Variants in SHISA7 observed in about 807,000 individuals in gnomAD.
SHISA7 encodes the protein shisa family member 7.
SHISA7 carries 6 observed loss-of-function variants against 23.9 expected under a neutral mutation model. The ratio of observed to expected loss-of-function variants is 0.25; its 90% CI spans 0.14 to 0.50. The LOEUF is 0.50. Among genes scored for constraint, SHISA7 ranks in the 20% least tolerant of loss-of-function variants. The pLI is 0.98. For missense variants in SHISA7, 671 were observed against 801.1 expected (o/e 0.84, Z 1.96); for synonymous variants, 386 against 398.3 (o/e 0.97, Z 0.37).
At chr19:55,435,398 T>TATATGTGGTGTGTGTGTGTGG (rs1555753673) in intron 3 of SHISA7, among the ~76,000 whole-genome samples, 3,984 of 79,336 alleles carry the variant, frequency 0.05, 219 homozygotes, top group African/African-American at 0.16. Context: ...TGTGTGTGTG[T>TATATGTGGTGTGTGTGTGTGG]GGGTGTGTGT....
intron 2 of SHISA7, chr19:55,438,670 C>G: frequency 7.7e-7 from 1 of 1,295,328 alleles, no homozygotes; most frequent in Non-Finnish European, 1.0e-6. Flanking sequence ...CCATCACTGA[C>G]TCCCAGCTGG....
At chr19:55,435,589 CAAAAAA>C (rs1160895563) in intron 3 of SHISA7, among the ~76,000 whole-genome samples, 4 of 66,442 alleles carry the variant, frequency 6.0e-5, no homozygotes, top group Admixed American at 1.9e-4. Context: ...TCCATCTCTA[CAAAAAA>C]AAAAAAAAAA....
intron 3 of SHISA7, among the ~76,000 whole-genome samples, chr19:55,434,477 GGT>G (rs758772588): frequency 2.1e-3 from 250 of 119,002 alleles, no homozygotes; most frequent in Non-Finnish European, 3.0e-3. Context: ...GTGTGTGTAT[GGT>G]GTGTGTGTGG....
rs1599870173 is a variant in SHISA7 at position 55,431,862 on chromosome 19, C to T, written c.*1294G>A. 1 of 152,284 alleles carries T rather than the reference C, an allele frequency of 6.6e-6. No homozygotes were observed. The highest frequency in any genetic ancestry group is 2.4e-5 in the African/African-American group (1 of 41,536). The allele number at this position is 152,284 out of a possible 1,614,324, so 9.4% of individuals were successfully genotyped here. A position where few individuals can be genotyped will look rare whatever the true frequency, so the allele number is the denominator to read the frequency against. ...GCAGAAGGCCATCTGGAGGTCCTGT[C>T]TCCCAGGAGTCATGGCACAGATGTG... On this transcript the variant is annotated 3_prime_UTR_variant, in exon 4 of 4. Transcript: ENST00000376325.
In SHISA7 at chr19:55,433,434, G is replaced by C; in HGVS notation, c.1339C>G (p.Leu447Val). The change falls in exon 4 of 4, where the codon CTG becomes GTG. Residue 447 changes from leucine to valine, a missense_variant. Coordinates refer to ENST00000376325, the MANE Select transcript of SHISA7 (RefSeq NM_001145176.2). This position sits in a 1 kb window ranked among gnomAD's most constrained non-coding sequence, Gnocchi z 8.4. ...LPPDPTARASLAASHSNLLLG... is the reference protein window; with the variant it reads ...LPPDPTARASVAASHSNLLLG... The stretch of plus-strand genomic sequence containing the variant: ...AGCAGGTTGGAGTGCGAGGCGGCCA[G>C]GCTGGCCCGGGCGGTGGGGTCGGGG... 2.3e-6 allele frequency: 3 copies of C among 1,331,172 alleles called. No individual in the cohort carries two copies. Among genetic ancestry groups the C allele is most frequent in the Non-Finnish European group, 2.9e-6 (3 of 1,049,026 alleles). 82.5% of individuals were successfully genotyped at this position (1,331,172 alleles called of 1,614,324 possible). A position where few individuals can be genotyped will look rare whatever the true frequency, so the allele number is the denominator to read the frequency against.
In SHISA7 at chr19:55,440,727, C is replaced by T. The variant is rs1203234808; in HGVS notation, c.710G>A (p.Gly237Glu). 8.0e-7 allele frequency: 1 copy of T among 1,247,222 alleles called. No individual in the cohort carries two copies. The highest frequency in any genetic ancestry group is 1.6e-5 in the African/African-American group (1 of 64,492). The allele number at this position is 1,247,222 out of a possible 1,614,324, so 77.3% of individuals were successfully genotyped here. A position where few individuals can be genotyped will look rare whatever the true frequency, so the allele number is the denominator to read the frequency against. The change falls in exon 2 of 4, where the codon GGG (glycine) becomes GAG (glutamate). Residue 237 changes from glycine (G) to glutamate (E), a missense_variant. Transcript: ENST00000376325. ...VDILRHQAGP[G>E]TRPDRARSSS... ...GCTTCGGGCCCGGTCCGGGCGGGTC[C>T]CAGGCCCCGCCTGATGTCTCAGAAT... is the stretch of plus-strand genomic sequence containing the variant.
chr19:55,433,866 C>T lies in SHISA7; in HGVS notation c.977-70G>A, dbSNP rs1057461833. On this transcript the variant is annotated intron_variant, in intron 3 of 3. Transcript: ENST00000376325. The surrounding 1 kb of genome is among the most constrained non-coding windows in gnomAD (Gnocchi z 8.4). ...ATCTAGAGCCCTCCCCCTCCCACCT[C>T]GTCACATCCCGCTCCTATGCTCCTT... 75 of 1,336,862 alleles carry T rather than the reference C, an allele frequency of 5.6e-5. No homozygotes were observed. Among genetic ancestry groups the T allele is most frequent in the Non-Finnish European group, 1.8e-5 (19 of 1,046,338 alleles). 82.8% of individuals were successfully genotyped at this position (1,336,862 alleles called of 1,614,324 possible). A position where few individuals can be genotyped will look rare whatever the true frequency, so the allele number is the denominator to read the frequency against.
Position 55,433,606 on chromosome 19 carries a change from C to G in SHISA7, c.1167G>C (p.Leu389=). 1 of 1,496,930 alleles carries G rather than the reference C, an allele frequency of 6.7e-7. No homozygotes were observed. The highest frequency in any genetic ancestry group is 8.9e-7 in the Non-Finnish European group (1 of 1,129,580). 92.7% of individuals were successfully genotyped at this position (1,496,930 alleles called of 1,614,324 possible). ...AGCGCGAACGGCCACCATCGCCCAG[C>G]AGGTGCTCCTGGGACATGACCCGCC... The part of the protein sequence containing the change: ...NPRRVMSQEH[L]LGDGGRSRYE... The change falls in exon 4 of 4, where the codon CTG becomes CTC. Residue 389 remains leucine (L), a synonymous_variant. Transcript: ENST00000376325. This position sits in a 1 kb window ranked among gnomAD's most constrained non-coding sequence, Gnocchi z 8.4.
intron 3 of SHISA7, among the ~76,000 whole-genome samples, chr19:55,434,351 GTA>G (rs953925902): frequency 6.5e-5 from 9 of 138,492 alleles, no homozygotes; most frequent in Non-Finnish European, 7.9e-5. Context: ...CGTGTGTGGT[GTA>G]TATGTGGTGT....
Position 55,433,680 on chromosome 19 carries a change from C to A in SHISA7, c.1093G>T (p.Ala365Ser). 6.7e-7 allele frequency: 1 copy of A among 1,483,850 alleles called. No homozygotes were observed. The highest frequency in any genetic ancestry group is 8.9e-7 in the Non-Finnish European group (1 of 1,124,682). The allele number at this position is 1,483,850 out of a possible 1,614,324, so 91.9% of individuals were successfully genotyped here. Reference sequence around the variant, plus strand: ...CCCAGCTCCTCTGGGCCGCCCCAGGCCTCCATGCGATAGCCGCCCCCCGTG... The same window carrying A: ...CCCAGCTCCTCTGGGCCGCCCCAGGACTCCATGCGATAGCCGCCCCCCGTG... The part of the protein sequence containing the change: ...PGTGGGYRME[A>S]WGGPEELGLA... Residue 365 changes from alanine (A) to serine (S), a missense_variant, in exon 4 of 4, where the codon GCC (alanine) becomes TCC (serine). By Grantham distance (99) the Ala-to-Ser change is moderately conservative. Coordinates refer to ENST00000376325, the MANE Select transcript of SHISA7 (RefSeq NM_001145176.2). This position sits in a 1 kb window ranked among gnomAD's most constrained non-coding sequence, Gnocchi z 8.4.
At chr19:55,436,476 G>A (rs955610498) in intron 3 of SHISA7, among the ~76,000 whole-genome samples, 24 of 151,810 alleles carry the variant, frequency 1.6e-4, no homozygotes, top group African/African-American at 5.1e-4. Flanking sequence ...GGTGGCATGC[G>A]CCTGTAATCC....
rs754480986 is a variant in SHISA7, at chr19:55,429,513, G to A, written c.*3643C>T. On this transcript the variant is annotated 3_prime_UTR_variant, in exon 4 of 4. Transcript: ENST00000376325. ...GTAACCCCCATTTCCTCAGTGTGGT[G>A]GGAACCAAGGGCCAGTTGTCTGCCC... is the stretch of plus-strand genomic sequence containing the variant. The A allele has an allele frequency of 6.6e-6, 1 of 152,220 alleles. No homozygotes were observed. The highest frequency in any genetic ancestry group is 1.5e-5 in the Non-Finnish European group (1 of 68,108). The allele number at this position is 152,220 out of a possible 1,614,324, so 9.4% of individuals were successfully genotyped here. A position where few individuals can be genotyped will look rare whatever the true frequency, so the allele number is the denominator to read the frequency against.
chr19:55,433,717 C>G lies in SHISA7; in HGVS notation c.1056G>C (p.Leu352=). ...AGCCGCCCCCCGTGCCCGGCCGCCGCAGCGCGTGCAGGGGCAGCGTGCCGC... is the reference window on the plus strand; with the variant it reads ...AGCCGCCCCCCGTGCCCGGCCGCCGGAGCGCGTGCAGGGGCAGCGTGCCGC... ...LPRGTLPLHA[L]RRPGTGGGYR... Residue 352 remains leucine (L), a synonymous_variant, in exon 4 of 4, where the codon CTG becomes CTC. Coordinates refer to ENST00000376325, the MANE Select transcript of SHISA7 (RefSeq NM_001145176.2). The surrounding 1 kb of genome is among the most constrained non-coding windows in gnomAD (Gnocchi z 8.4). The G allele has an allele frequency of 6.8e-7, 1 of 1,475,872 alleles. No individual in the cohort carries two copies. Among genetic ancestry groups the G allele is most frequent in the Non-Finnish European group, 8.9e-7 (1 of 1,121,412 alleles). 91.4% of individuals were successfully genotyped at this position (1,475,872 alleles called of 1,614,324 possible).
rs929630597 is a variant in SHISA7 at position 55,442,809 on chromosome 19, C to T, written c.55G>A (p.Ala19Thr). 3.7e-6 allele frequency: 5 copies of T among 1,369,434 alleles called. No homozygotes were observed. Among genetic ancestry groups the T allele is most frequent in the South Asian group, 1.6e-5 (1 of 62,006 alleles). 84.8% of individuals were successfully genotyped at this position (1,369,434 alleles called of 1,614,324 possible). A position where few individuals can be genotyped will look rare whatever the true frequency, so the allele number is the denominator to read the frequency against. ...LLASSAGQARARPSNATSAEP... is the reference protein window; with the variant it reads ...LLASSAGQARTRPSNATSAEP... Reference sequence around the variant, plus strand: ...GCGCTCGTGGCGTTGGACGGGCGCGCCCTGGCCTGGCCGGCGCTAGAGGCC... The same window carrying T: ...GCGCTCGTGGCGTTGGACGGGCGCGTCCTGGCCTGGCCGGCGCTAGAGGCC... Residue 19 changes from alanine (A) to threonine (T), a missense_variant, in exon 1 of 4, where the codon GCG (alanine) becomes ACG (threonine). By Grantham distance (58) the Ala-to-Thr change is moderately conservative (BLOSUM62 0). Transcript: ENST00000376325.
In SHISA7 at chr19:55,433,564, C is replaced by G. The variant is rs1186601696; in HGVS notation, c.1209G>C (p.Pro403=). The change falls in exon 4 of 4, where the codon CCG becomes CCC. Residue 403 remains proline, a synonymous_variant. Coordinates refer to ENST00000376325, the MANE Select transcript of SHISA7 (RefSeq NM_001145176.2). The surrounding 1 kb of genome is among the most constrained non-coding windows in gnomAD (Gnocchi z 8.4). ...GCTCCTGCGACACCAGGCGCGCGCG[C>G]GGCAGCGTGAACTCGTAGCGCGAAC... ...GGRSRYEFTL[P]RARLVSQEHL... is the part of the protein sequence containing the mutation. 23 of 1,495,758 alleles carry G rather than the reference C, an allele frequency of 1.5e-5. No homozygotes were observed. Among genetic ancestry groups the G allele is most frequent in the Non-Finnish European group, 1.9e-5 (22 of 1,128,856 alleles). 92.7% of individuals were successfully genotyped at this position (1,495,758 alleles called of 1,614,324 possible).
intron 1 of SHISA7, among the ~76,000 whole-genome samples, chr19:55,441,884 C>T (rs560461030): frequency 4.6e-5 from 7 of 152,364 alleles, no homozygotes; most frequent in Non-Finnish European, 8.8e-5. Context: ...GGCTTTTCCA[C>T]CAGGGCAGAG....
At position 55,442,646 on chromosome 19, in the gene SHISA7, G is replaced by A. The variant is rs1022267945; in HGVS notation, c.218C>T (p.Ala73Val). Reference sequence around the variant, plus strand: ...GAGCTCGGCGGGAGGGGGCGCCCGGGCCGCCGCGCCCGCCCCGCCCGCGGG... The same window carrying A: ...GAGCTCGGCGGGAGGGGGCGCCCGGACCGCCGCGCCCGCCCCGCCCGCGGG... ...TGPAGGAGAA[A>V]RAPPPAELCH... Residue 73 changes from alanine to valine, a missense_variant, in exon 1 of 4, where the codon GCC becomes GTC. Around this residue, in one of 5 missense-constraint regions of SHISA7, gnomAD observed 96 missense variants for 113.1 expected, o/e 0.85. Coordinates refer to ENST00000376325, the MANE Select transcript of SHISA7 (RefSeq NM_001145176.2). The A allele has an allele frequency of 8.2e-6, 11 of 1,335,074 alleles. 1 individual carries two copies. Among genetic ancestry groups the A allele is most frequent in the South Asian group, 4.6e-5 (3 of 65,206 alleles). 82.7% of individuals were successfully genotyped at this position (1,335,074 alleles called of 1,614,324 possible). A position where few individuals can be genotyped will look rare whatever the true frequency, so the allele number is the denominator to read the frequency against.
At chr19:55,438,871 C>CT (rs1568452367) in intron 2 of SHISA7, among the ~76,000 whole-genome samples, 2 of 34,572 alleles carry the variant, frequency 5.8e-5, no homozygotes, top group East Asian at 0.022. Context: ...GTTCTTAGCA[C>CT]CCCCCCCCCT....
rs1568449946 is a variant in SHISA7, at chr19:55,433,696, G to GC, written c.1076dup (p.Gly360ArgfsTer241). On this transcript the variant is annotated frameshift_variant, in exon 4 of 4. Transcript: ENST00000376325. LOFTEE classifies it low-confidence loss of function (END_TRUNC). The surrounding 1 kb of genome is among the most constrained non-coding windows in gnomAD (Gnocchi z 8.4). ...CGCCCCAGGCCTCCATGCGATAGCC[G>GC]CCCCCCGTGCCCGGCCGCCGCAGCG... is the stretch of plus-strand genomic sequence containing the variant. 3 of 1,478,424 alleles carry GC rather than the reference G, an allele frequency of 2.0e-6. No homozygotes were observed. Among genetic ancestry groups the GC allele is most frequent in the Non-Finnish European group, 2.7e-6 (3 of 1,122,508 alleles). The allele number at this position is 1,478,424 out of a possible 1,614,324, so 91.6% of individuals were successfully genotyped here.
Sources: gnomAD v4.1 joint callset for allele counts (sites outside exome capture counted in the v4.1 genomes callset) on GRCh38, gnomAD v4.1.1 for gene constraint, gnomAD v4.1.1 regional missense constraint, Gnocchi (gnomAD v3.1) non-coding constraint, MANE v1.5 for transcripts, NCBI Gene and HGNC (gene_info 2026-07-23, HGNC 2026-07-21) for gene names.